Variants in LTBP1 observed in about 807,000 individuals in gnomAD.
LTBP1 encodes the protein latent-transforming growth factor beta-binding protein 1.
Under a neutral mutation model 207.6 loss-of-function variants are expected in LTBP1, and 129 were observed. That is an observed-to-expected ratio of 0.62 (90% CI 0.54 to 0.72). The LOEUF is 0.72. Ranked by LOEUF, LTBP1 falls within the 30% of genes least tolerant of loss-of-function variation. The pLI is 0.00. For synonymous variants in LTBP1, 963 were observed against 833.7 expected (o/e 1.16, Z -2.67); for missense variants, 2,281 against 2,217.2 (o/e 1.03, Z -0.58).
intron 7 of LTBP1, among the ~76,000 whole-genome samples, chr2:33,202,266 C>G (rs185124279): frequency 6.6e-6 from 1 of 152,162 alleles, no homozygotes; most frequent in Non-Finnish European, 1.5e-5. Context: ...TTCTTGGTTT[C>G]CACTGGACAA....
intron 4 of LTBP1, among the ~76,000 whole-genome samples, chr2:33,114,520 G>A (rs2080618715): frequency 6.6e-6 from 1 of 152,108 alleles, no homozygotes; most frequent in Admixed American, 6.5e-5. Context: ...CAGCCCAAGA[G>A]GCCCTGCTTC....
At chr2:33,382,075 T>C (rs1207026351) in intron 31 of LTBP1, among the ~76,000 whole-genome samples, 1 of 30,302 alleles carries the variant, frequency 3.3e-5, no homozygotes, top group Non-Finnish European at 6.0e-5. Context: ...CTACTGCTTC[T>C]TTTTTTTTTT....
rs768908222 is a variant in LTBP1 at position 33,397,293 on chromosome 2, CGT to C, written c.4984+16_4984+17del. 8.1e-6 allele frequency: 13 copies of C among 1,613,700 alleles called. No individual in the cohort carries two copies. In the South Asian group the frequency reaches 1.4e-4, roughly 18 times the overall value. ...AGATGACCTGTGTCGGTAAGAATGACGTGTGTTTTATGGGACATTAATTTTTT... is the reference window on the plus strand; with the variant it reads ...AGATGACCTGTGTCGGTAAGAATGACGTGTTTTATGGGACATTAATTTTTT... On this transcript the variant is annotated intron_variant, in intron 33 of 33. Coordinates refer to ENST00000404816, the MANE Select transcript of LTBP1 (RefSeq NM_206943.4).
chr2:33,219,377 C>G (rs1036909743), intron 8 of LTBP1, among the ~76,000 whole-genome samples: 1 of 152,144 alleles, frequency 6.6e-6, no homozygotes, highest in Non-Finnish European at 1.5e-5. Context: ...TTTTGGCAAC[C>G]TGACCAAAGG....
intron 2 of LTBP1, among the ~76,000 whole-genome samples, chr2:33,020,684 T>A (rs2075122345): frequency 6.6e-6 from 1 of 152,198 alleles, no homozygotes; most frequent in Admixed American, 6.5e-5. Flanking sequence ...GCTGGGGGAT[T>A]ACATTTGTTT....
In LTBP1 at chr2:33,359,832, C is replaced by G. The variant is rs114063113; in HGVS notation, c.4001-765C>G. 5.2e-3 allele frequency among the ~76,000 whole-genome samples: 795 copies of G among 152,266 alleles called. 8 individuals are homozygous for G. Among genetic ancestry groups the G allele is most frequent in the African/African-American group, 0.018 (754 of 41,558 alleles). ...GATTTCGTATCTGATTGAATTCAAT[C>G]AATTTCATTATTATCTGAAAGTGGG... On this transcript the variant is annotated intron_variant, in intron 26 of 33. Coordinates refer to ENST00000404816, the MANE Select transcript of LTBP1 (RefSeq NM_206943.4).
intron 3 of LTBP1, chr2:33,056,471 G>T: frequency 2.3e-6 from 2 of 856,900 alleles, no homozygotes; most frequent in Non-Finnish European, 3.6e-6. Flanking sequence ...TTGCCAGCTG[G>T]AGGTGATGAG....
intron 3 of LTBP1, among the ~76,000 whole-genome samples, chr2:33,064,013 C>T (rs1402650212): frequency 6.6e-6 from 1 of 152,066 alleles, no homozygotes; most frequent in Middle Eastern, 3.2e-3. Context: ...GCCACCATGC[C>T]TGGCTAATTT....
At chr2:33,200,442 G>C (rs992452651) in intron 7 of LTBP1, among the ~76,000 whole-genome samples, 1 of 152,190 alleles carries the variant, frequency 6.6e-6, no homozygotes, top group South Asian at 2.1e-4. Flanking sequence ...GCTGAAACTG[G>C]ATCTCTTCTT....
chr2:33,380,892 A>G (rs2095206133), intron 31 of LTBP1, among the ~76,000 whole-genome samples: 1 of 152,202 alleles, frequency 6.6e-6, no homozygotes, highest in African/African-American at 2.4e-5. Context: ...TACTTGGTTA[A>G]TGAAGAAAAA....
chr2:33,319,519 A>AG (rs1254290111), intron 24 of LTBP1, among the ~76,000 whole-genome samples: 5 of 152,088 alleles, frequency 3.3e-5, no homozygotes, highest in African/African-American at 1.2e-4. Context: ...TCAGATTCCT[A>AG]GGGGTCACCA....
chr2:32,956,579 C>T (rs1269010040), intron 2 of LTBP1, among the ~76,000 whole-genome samples: 3 of 152,204 alleles, frequency 2.0e-5, no homozygotes, highest in African/African-American at 4.8e-5. Context: ...CAGTGACTTC[C>T]TCCACTGAAG....
At chr2:33,117,733 T>G (rs2080839189) in intron 4 of LTBP1, among the ~76,000 whole-genome samples, 1 of 152,148 alleles carries the variant, frequency 6.6e-6, no homozygotes, top group Admixed American at 6.5e-5. Context: ...GCACCCATTA[T>G]GGGATGGATG....
intron 9 of LTBP1, among the ~76,000 whole-genome samples, chr2:33,239,476 G>A (rs908399138): frequency 6.6e-6 from 1 of 152,178 alleles, no homozygotes; most frequent in Non-Finnish European, 1.5e-5. Context: ...CAGTTTTCCA[G>A]AGAAATTTGT....
intron 9 of LTBP1, among the ~76,000 whole-genome samples, chr2:33,242,575 T>TC (rs2092366720): frequency 6.6e-6 from 1 of 151,964 alleles, no homozygotes; most frequent in Admixed American, 6.6e-5. Context: ...AGCTGTGATT[T>TC]TTTTTTCCTT....
chr2:32,988,926 T>C (rs926851377), intron 2 of LTBP1, among the ~76,000 whole-genome samples: 2 of 141,622 alleles, frequency 1.4e-5, no homozygotes, highest in African/African-American at 5.0e-5. Context: ...TCCTAAATGC[T>C]TAGACCTCTT....
At chr2:33,110,871 T>C (rs1254624081) in intron 4 of LTBP1, 120 bp downstream of exon 4, 2 of 959,016 alleles carry the variant, frequency 2.1e-6, no homozygotes, top group Non-Finnish European at 2.9e-6. Flanking sequence ...CATTAAAAAA[T>C]CCACATTGGT....
At chr2:33,302,018 G>A (rs2093996501) in intron 22 of LTBP1, among the ~76,000 whole-genome samples, 1 of 152,154 alleles carries the variant, frequency 6.6e-6, no homozygotes, top group Non-Finnish European at 1.5e-5. Context: ...GCAATTAGAA[G>A]GTTTTTCAGA....
chr2:32,975,590 T>G (rs867931912), intron 2 of LTBP1, among the ~76,000 whole-genome samples: 11 of 46,498 alleles, frequency 2.4e-4, no homozygotes, highest in East Asian at 1.4e-3. Flanking sequence ...TTTGTTTTTT[T>G]TTTTTTTTTT....
Sources: allele counts gnomAD v4.1 joint callset (sites outside exome capture counted in the v4.1 genomes callset), GRCh38; gene constraint gnomAD v4.1.1; transcripts MANE v1.5; gene names NCBI Gene and HGNC (gene_info 2026-07-23, HGNC 2026-07-21).